KLC1: variants seen among roughly 807,000 people sequenced by gnomAD.
The protein encoded by KLC1 is kinesin light chain 1, also known as kinesin 2 60/70kDa.
In KLC1, 30 loss-of-function variants were observed where a neutral mutation model predicts 84.2. The ratio of observed to expected loss-of-function variants is 0.36; its 90% confidence interval spans 0.27 to 0.48. KLC1 has a LOEUF of 0.48. KLC1 is among the 20% of genes least tolerant of loss of function. The probability of loss-of-function intolerance (pLI) is 0.99; values close to 1 mark genes in which losing one functional copy is unlikely to be tolerated. For synonymous variants in KLC1, 289 were observed against 293.3 expected (o/e 0.99, Z 0.15); for missense variants, 499 against 805.4 (o/e 0.62, Z 4.60).
At chr14:103,668,779 TTTTA>T (rs2080119640) in intron 5 of KLC1, among the ~76,000 whole-genome samples, 2 of 131,746 alleles carry the variant, frequency 1.5e-5, no homozygotes, top group South Asian at 5.0e-4. Flanking sequence ...ACACCCATCT[TTTTA>T]TTTATTTATT....
Position 103,694,248 on chromosome 14 carries a change from C to G in KLC1, c.1848+1823C>G. 2 of 923,930 alleles carry G rather than the reference C, an allele frequency of 2.2e-6. No homozygotes were observed. Among genetic ancestry groups the G allele is most frequent in the Non-Finnish European group, 2.6e-6 (2 of 779,960 alleles). 57.2% of individuals were successfully genotyped at this position (923,930 alleles called of 1,614,324 possible). A position where few individuals can be genotyped will look rare whatever the true frequency, so the allele number is the denominator to read the frequency against. ...ACGAAGCCCATAGAGACGTGTGTTT[C>G]ACTTTTTTTTTTTTTTTTTTTGAGA... On this transcript the variant is annotated intron_variant, in intron 15 of 16. Coordinates refer to ENST00000334553, the MANE Select transcript of KLC1 (RefSeq NM_001394837.1). This position sits in a 1 kb window ranked among gnomAD's most constrained non-coding sequence, Gnocchi z 4.5.
At chr14:103,698,751 G>A (rs376407692) in intron 15 of KLC1, 817 of 1,532,394 alleles carry the variant, frequency 5.3e-4, no homozygotes, top group Non-Finnish European at 7.0e-4. Flanking sequence ...CCCGAGCCCC[G>A]TGTGTCGGGG....
chr14:103,671,495 G>T (rs1025074535), intron 7 of KLC1, among the ~76,000 whole-genome samples: 1 of 151,696 alleles, frequency 6.6e-6, no homozygotes, highest in Non-Finnish European at 1.5e-5. Context: ...TCAGCCTCCT[G>T]GGTAGCTGGG....
chr14:103,648,055 A>G (rs1003991985), intron 1 of KLC1, among the ~76,000 whole-genome samples: 13 of 151,410 alleles, frequency 8.6e-5, no homozygotes, highest in East Asian at 2.0e-4. Flanking sequence ...GATTCAAGCA[A>G]TTCTTCTGCC....
At chr14:103,699,743 T>TC (rs1045403517) in intron 15 of KLC1, among the ~76,000 whole-genome samples, 2 of 152,186 alleles carry the variant, frequency 1.3e-5, no homozygotes, top group South Asian at 4.1e-4. Flanking sequence ...TCTGTATTTT[T>TC]CTCAAAGAGG....
chr14:103,701,056 C>A, intron 16 of KLC1, 145 bp from the exon 17 acceptor site: 2 of 1,007,020 alleles, frequency 2.0e-6, no homozygotes, highest in Non-Finnish European at 1.5e-6. Context: ...GACCCCTCGG[C>A]CCCAGGGAGG....
At position 103,693,953 on chromosome 14, in the gene KLC1, T is replaced by C; in HGVS notation, c.1848+1528T>C. On this transcript the variant is annotated intron_variant, in intron 15 of 16. Coordinates refer to ENST00000334553, the MANE Select transcript of KLC1 (RefSeq NM_001394837.1). The surrounding 1 kb of genome is among the most constrained non-coding windows in gnomAD (Gnocchi z 5.1). ...GTTGCATTTCCTGCCTGCCACCTTTTTGCCATGACACCAGACTCTCTTTTA... is the reference window on the plus strand; with the variant it reads ...GTTGCATTTCCTGCCTGCCACCTTTCTGCCATGACACCAGACTCTCTTTTA... 8.3e-7 allele frequency: 1 copy of C among 1,206,670 alleles called. No individual in the cohort carries two copies. Among genetic ancestry groups the C allele is most frequent in the Non-Finnish European group, 1.0e-6 (1 of 967,258 alleles). The allele number at this position is 1,206,670 out of a possible 1,614,324, so 74.7% of individuals were successfully genotyped here. A position where few individuals can be genotyped will look rare whatever the true frequency, so the allele number is the denominator to read the frequency against.
intron 1 of KLC1, among the ~76,000 whole-genome samples, chr14:103,640,505 C>T (rs986107680): frequency 2.6e-5 from 4 of 151,984 alleles, no homozygotes; most frequent in South Asian, 2.1e-4. Context: ...GGACCACAGG[C>T]GCCCGCCACC....
At chr14:103,679,165 T>G in intron 12 of KLC1, 1 of 614,356 alleles carries the variant, frequency 1.6e-6, no homozygotes, top group Middle Eastern at 4.3e-4. Flanking sequence ...ACACACCCTG[T>G]GCAATCCCAG....
chr14:103,684,015 G>A (rs35140615), intron 13 of KLC1: 33,957 of 151,816 alleles, frequency 0.22, 4,121 homozygotes, highest in East Asian at 0.49. Context: ...TCGTCTGTGC[G>A]AAAAAAACAA....
chr14:103,698,704 C>T, intron 15 of KLC1: 1 of 1,187,304 alleles, frequency 8.4e-7, no homozygotes, highest in Non-Finnish European at 1.2e-6. Flanking sequence ...ACCAGGCTCC[C>T]AGCTGTGCCA....
At position 103,693,382 on chromosome 14, in the gene KLC1, G is replaced by T. The variant is rs1264925743; in HGVS notation, c.1848+957G>T. ...TACAGGGTCCTGTAGCTGACCCAGT[G>T]TTTGCCCTCCAGTTTCTTGGAGTTT... On this transcript the variant is annotated intron_variant, in intron 15 of 16. Coordinates refer to ENST00000334553, the MANE Select transcript of KLC1 (RefSeq NM_001394837.1). This position sits in a 1 kb window ranked among gnomAD's most constrained non-coding sequence, Gnocchi z 5.1. Among the ~76,000 whole-genome samples the T allele has an allele frequency of 6.6e-6, 1 of 152,120 alleles. No individual in the cohort carries two copies. Among genetic ancestry groups the T allele is most frequent in the East Asian group, 1.9e-4 (1 of 5,198 alleles).
chr14:103,634,607 G>A (rs2076919321), intron 1 of KLC1, among the ~76,000 whole-genome samples: 1 of 152,172 alleles, frequency 6.6e-6, no homozygotes, highest in Admixed American at 6.6e-5. Flanking sequence ...TCTAAGAGGA[G>A]AGGGTCCTGG....
chr14:103,696,622 G>GT, intron 15 of KLC1: 1 of 985,532 alleles, frequency 1.0e-6, no homozygotes, highest in Non-Finnish European at 1.2e-6. Flanking sequence ...AGCTCTGACC[G>GT]TGTCTTGCTG....
intron 1 of KLC1, among the ~76,000 whole-genome samples, chr14:103,631,341 A>C (rs1260931371): frequency 6.6e-6 from 1 of 152,112 alleles, no homozygotes; most frequent in Non-Finnish European, 1.5e-5. Flanking sequence ...CGGCCTCCCA[A>C]AGTGCTGGGA....
intron 15 of KLC1, chr14:103,699,248 AC>A: frequency 1.3e-6 from 2 of 1,539,848 alleles, no homozygotes; most frequent in Admixed American, 3.9e-5. Flanking sequence ...ACAGGCTGCT[AC>A]CCGCAGGAGC....
rs371505686 is a variant in KLC1 at position 103,700,586 on chromosome 14, C to T, written c.1849-69C>T. On this transcript the variant is annotated intron_variant, in intron 15 of 16. Transcript: ENST00000334553. ...TGCAGCCACACGCTGGTGTCACGCC[C>T]GGAGCTCTGAAGACGCCTGAGGGCC... The T allele has an allele frequency of 3.0e-5, 39 of 1,302,052 alleles. No individual in the cohort carries two copies. The African/African-American group carries it at 4.4e-4, about 15-fold the overall frequency. 80.7% of individuals were successfully genotyped at this position (1,302,052 alleles called of 1,614,324 possible).
At position 103,638,511 on chromosome 14, in the gene KLC1, T is replaced by A. The variant is rs186206783; in HGVS notation, c.-2+9017T>A. On this transcript the variant is annotated intron_variant, in intron 1 of 16. Transcript: ENST00000334553. Reference sequence around the variant, plus strand: ...CCACACATTCCTTTTCCCTTTTTAGTGCTTGGTGTTTTTTTTTTTTCTTAA... The same window carrying A: ...CCACACATTCCTTTTCCCTTTTTAGAGCTTGGTGTTTTTTTTTTTTCTTAA... 2.7e-3 allele frequency among the ~76,000 whole-genome samples: 416 copies of A among 151,298 alleles called. 1 individual carries two copies. The highest frequency in any genetic ancestry group is 5.0e-3 in the Admixed American group (76 of 15,068).
intron 3 of KLC1, 106 bp from the exon 4 acceptor site, chr14:103,662,010 T>C (rs1175002081): frequency 9.0e-6 from 7 of 776,434 alleles, no homozygotes; most frequent in Non-Finnish European, 1.5e-5. Flanking sequence ...AAACTGATCA[T>C]CTTTTCTAAG....
Sources: allele counts gnomAD v4.1 joint callset (sites outside exome capture counted in the v4.1 genomes callset), GRCh38; gene constraint gnomAD v4.1.1; non-coding constraint Gnocchi (gnomAD v3.1); transcripts MANE v1.5; gene names NCBI Gene and HGNC (gene_info 2026-07-23, HGNC 2026-07-21).